The following MAK variants were observed in gnomAD, a reference collection of about 807,000 sequenced individuals.
The protein encoded by MAK is serine/threonine-protein kinase MAK.
In MAK, 65 loss-of-function variants were observed where a neutral mutation model predicts 82.6. The observed-to-expected ratio is 0.79, with a 90% CI of 0.64 to 0.97. The LOEUF (loss-of-function observed/expected upper bound fraction) is 0.97, where lower values mean the gene tolerates loss of function less well. MAK is among the 50% of genes least tolerant of loss of function. MAK has a pLI of 0.00. For synonymous variants in MAK, 250 were observed against 274.2 expected (o/e 0.91, Z 0.87); for missense variants, 703 against 780.2 (o/e 0.90, Z 1.18).
intron 7 of MAK, 37 bp downstream of exon 7, chr6:10,803,683 T>C (rs1776187754): frequency 6.4e-7 from 1 of 1,570,614 alleles, no homozygotes; most frequent in Non-Finnish European, 8.8e-7. Context: ...ATAGAAATAA[T>C]CAAAAGTTAT....
intron 10 of MAK, among the ~76,000 whole-genome samples, chr6:10,788,076 G>A (rs964546313): frequency 1.3e-5 from 2 of 151,150 alleles, no homozygotes; most frequent in Non-Finnish European, 2.9e-5. Context: ...GCAGTGGCTC[G>A]GCCTTCCAAG....
intron 6 of MAK, 107 bp downstream of exon 6, chr6:10,808,703 G>T (rs3817829): frequency 1.8e-6 from 2 of 1,086,430 alleles, no homozygotes; most frequent in Admixed American, 1.7e-5. Context: ...ATTCAATTCT[G>T]TGTTTTAAAT....
At chr6:10,814,279 A>C (rs1561989532) in intron 4 of MAK, among the ~76,000 whole-genome samples, 1 of 152,074 alleles carries the variant, frequency 6.6e-6, no homozygotes, top group Non-Finnish European at 1.5e-5. Context: ...TAAATAGCTA[A>C]ATTTTAAACT....
At chr6:10,803,602 A>C (rs2127558152) in intron 7 of MAK, 118 bp downstream of exon 7, 1 of 812,690 alleles carries the variant, frequency 1.2e-6, no homozygotes, top group South Asian at 1.6e-5. Context: ...CTATTTCAAA[A>C]TGAAAATATC....
At position 10,793,553 on chromosome 6, in the gene MAK, T is replaced by C. The variant is rs1376899246; in HGVS notation, c.1144-1706A>G. Among the ~76,000 whole-genome samples the C allele has an allele frequency of 6.6e-6, 1 of 152,094 alleles. No individual in the cohort carries two copies. Among genetic ancestry groups the C allele is most frequent in the Non-Finnish European group, 1.5e-5 (1 of 68,010 alleles). On this transcript the variant is annotated intron_variant, in intron 9 of 14. Coordinates refer to ENST00000354489, the MANE Select transcript of MAK (RefSeq NM_001242957.3). This position sits in a 1 kb window ranked among gnomAD's most constrained non-coding sequence, Gnocchi z 4.6. ...GAATCCTAGAGATGAAATACACAAG[T>C]CAGAGGTACAGAATATGCAATTTAG...
chr6:10,803,668 G>T (rs568676915), intron 7 of MAK, 52 bp downstream of exon 7: 6 of 1,473,362 alleles, frequency 4.1e-6, no homozygotes, highest in Non-Finnish European at 5.7e-6. Flanking sequence ...AAGCAAAGTA[G>T]CAAGATAGAA....
chr6:10,823,774 C>T (rs1778137515), intron 2 of MAK, among the ~76,000 whole-genome samples: 1 of 152,130 alleles, frequency 6.6e-6, no homozygotes, highest in Non-Finnish European at 1.5e-5. Flanking sequence ...AGGTGATCCA[C>T]CCCACTTGGC....
chr6:10,771,023 A>G (rs527667826), intron 13 of MAK, among the ~76,000 whole-genome samples: 3 of 152,234 alleles, frequency 2.0e-5, no homozygotes, highest in Admixed American at 6.5e-5. Flanking sequence ...TGCGTTGTCC[A>G]TGAATAGCAA....
intron 2 of MAK, among the ~76,000 whole-genome samples, chr6:10,823,692 G>T (rs1009533241): frequency 1.3e-5 from 2 of 152,014 alleles, no homozygotes; most frequent in African/African-American, 2.4e-5. Context: ...ACCACACCCG[G>T]CTAATTTTTG....
At chr6:10,794,726 C>T (rs184376543) in intron 9 of MAK, among the ~76,000 whole-genome samples, 2 of 152,308 alleles carry the variant, frequency 1.3e-5, no homozygotes, top group African/African-American at 4.8e-5. Flanking sequence ...GGTGCGGTGG[C>T]TCAGGCCTGT....
In MAK at chr6:10,773,037, G is replaced by T. The variant is rs1773157863; in HGVS notation, c.1669C>A (p.Gln557Lys). Residue 557 changes from glutamine to lysine, a missense_variant, in exon 13 of 15, where the codon CAA becomes AAA. Gln to Lys is a moderately conservative substitution (Grantham distance 53). Transcript: ENST00000354489. ...ETFPEKLEDPQGNLGSYATYN... is the reference protein window; with the variant it reads ...ETFPEKLEDPKGNLGSYATYN... ...TCATCTGACGCCCAGAAATTACCTT[G>T]TGGGTCCTCTAATTTTTCAGGAAAA... is the stretch of plus-strand genomic sequence containing the variant. The T allele has an allele frequency of 2.6e-6, 4 of 1,526,706 alleles. No individual in the cohort carries two copies. The highest frequency in any genetic ancestry group is 2.7e-5 in the African/African-American group (2 of 72,850). The allele number at this position is 1,526,706 out of a possible 1,614,324, so 94.6% of individuals were successfully genotyped here.
At chr6:10,797,641 G>T (rs924791077) in intron 8 of MAK, 4 of 985,256 alleles carry the variant, frequency 4.1e-6, no homozygotes, top group African/African-American at 1.7e-5. Context: ...GGTCATTTTT[G>T]GGGGGATGGG....
chr6:10,796,652 A>G (rs557617853), intron 8 of MAK, among the ~76,000 whole-genome samples: 34 of 152,276 alleles, frequency 2.2e-4, no homozygotes, highest in African/African-American at 6.7e-4. Context: ...CTAAAAATAC[A>G]AAAATTAGCC....
In MAK at chr6:10,802,018, G is replaced by T. The variant is rs1465620530; in HGVS notation, c.705C>A (p.Asn235Lys). 1.9e-6 allele frequency: 3 copies of T among 1,613,998 alleles called. No homozygotes were observed. The highest frequency in any genetic ancestry group is 2.5e-6 in the Non-Finnish European group (3 of 1,180,008). Reference sequence around the variant, plus strand: ...TAGGAACACACTGGGGAAAACGGAAGTTCATAGAGGATGCCAGCTGGTATC... The same window carrying T: ...TAGGAACACACTGGGGAAAACGGAATTTCATAGAGGATGCCAGCTGGTATC... ...PEGYQLASSM[N>K]FRFPQCVPIN... Residue 235 changes from asparagine (N) to lysine (K), a missense_variant, in exon 8 of 15, where the codon AAC becomes AAA. Coordinates refer to ENST00000354489, the MANE Select transcript of MAK (RefSeq NM_001242957.3).
At chr6:10,768,505 C>T (rs1019619315) in intron 14 of MAK, among the ~76,000 whole-genome samples, 12 of 152,060 alleles carry the variant, frequency 7.9e-5, no homozygotes, top group Non-Finnish European at 1.5e-4. Context: ...CGTTTGAACC[C>T]GGGAGGTGGA....
At chr6:10,784,849 C>CA (rs1774384433) in intron 10 of MAK, 2 of 571,582 alleles carry the variant, frequency 3.5e-6, no homozygotes, top group East Asian at 4.1e-5. Flanking sequence ...ATCTGTCCTG[C>CA]AACGGCTGCA....
intron 11 of MAK, among the ~76,000 whole-genome samples, chr6:10,782,161 C>A (rs1181541145): frequency 6.6e-6 from 1 of 150,702 alleles, no homozygotes; most frequent in Admixed American, 6.6e-5. Context: ...GAGCCAAGAT[C>A]GTGCCACTAC....
At chr6:10,833,570 A>T (rs1203492859) in intron 1 of MAK, among the ~76,000 whole-genome samples, 1 of 151,818 alleles carries the variant, frequency 6.6e-6, no homozygotes, top group Non-Finnish European at 1.5e-5. Context: ...GCACCACTGC[A>T]CTCCCACCTG....
chr6:10,813,132 ATAAATTT>A (rs1777167732), intron 5 of MAK, among the ~76,000 whole-genome samples: 1 of 762 alleles, frequency 1.3e-3, no homozygotes, highest in Non-Finnish European at 2.7e-3. Flanking sequence ...ATATATATAT[ATAAATTT>A]TTTTTTTTTT....
Sources: gnomAD v4.1 joint callset for allele counts (sites outside exome capture counted in the v4.1 genomes callset) on GRCh38, gnomAD v4.1.1 for gene constraint, Gnocchi (gnomAD v3.1) non-coding constraint, MANE v1.5 for transcripts, NCBI Gene and HGNC (gene_info 2026-07-23, HGNC 2026-07-21) for gene names.